AKAP6: variants seen among roughly 807,000 people sequenced by gnomAD.
AKAP6 encodes the protein A-kinase anchoring protein 6.
Under a neutral mutation model 188.5 loss-of-function variants are expected in AKAP6, and 58 were observed. The ratio of observed to expected loss-of-function variants is 0.31; its 90% CI spans 0.25 to 0.38. The LOEUF is 0.38. Among genes scored for constraint, AKAP6 ranks in the 10% least tolerant of loss-of-function variants. The pLI is 1.00. For synonymous variants in AKAP6, 989 were observed against 998.6 expected (o/e 0.99, Z 0.18); for missense variants, 2,710 against 2,740.0 (o/e 0.99, Z 0.24).
chr14:32,673,760 T>G (rs777506197), intron 7 of AKAP6, among the ~76,000 whole-genome samples: 1 of 152,004 alleles, frequency 6.6e-6, no homozygotes, highest in Non-Finnish European at 1.5e-5. Flanking sequence ...AATGGATGAA[T>G]GCAAGAATGT....
At chr14:32,410,388 C>T (rs150299748) in intron 1 of AKAP6, among the ~76,000 whole-genome samples, 1 of 152,174 alleles carries the variant, frequency 6.6e-6, no homozygotes, top group East Asian at 1.9e-4. Context: ...TTAAATTTAC[C>T]TATATCCTGG....
chr14:32,493,630 C>A (rs1278005406), intron 2 of AKAP6, among the ~76,000 whole-genome samples: 1 of 152,106 alleles, frequency 6.6e-6, no homozygotes, highest in Non-Finnish European at 1.5e-5. Flanking sequence ...ATTATGTCAC[C>A]TCAGGGCTGC....
At chr14:32,371,513 T>C (rs1888006504) in intron 1 of AKAP6, among the ~76,000 whole-genome samples, 1 of 152,154 alleles carries the variant, frequency 6.6e-6, no homozygotes, top group Non-Finnish European at 1.5e-5. Context: ...AGGCTGAAGC[T>C]GGGGGATTGC....
chr14:32,572,572 A>C (rs1288230092), intron 4 of AKAP6, among the ~76,000 whole-genome samples: 2 of 152,228 alleles, frequency 1.3e-5, no homozygotes, highest in African/African-American at 4.8e-5. Context: ...CTTGTTGTAG[A>C]GGAGAAAGAG....
At chr14:32,336,938 A>C (rs1189790091) in intron 1 of AKAP6, among the ~76,000 whole-genome samples, 1 of 152,224 alleles carries the variant, frequency 6.6e-6, no homozygotes, top group Non-Finnish European at 1.5e-5. Context: ...AGCCCATGGA[A>C]AACCAAATGA....
At chr14:32,418,407 T>C (rs1258750464) in intron 1 of AKAP6, among the ~76,000 whole-genome samples, 1 of 152,188 alleles carries the variant, frequency 6.6e-6, no homozygotes, top group Admixed American at 6.5e-5. Flanking sequence ...TGCTGCTTCC[T>C]TCCTAACACA....
chr14:32,786,460 A>T (rs1397183268), intron 12 of AKAP6, among the ~76,000 whole-genome samples: 1 of 149,122 alleles, frequency 6.7e-6, no homozygotes. Flanking sequence ...GGCGCCCACC[A>T]CCACGCCCGG....
At chr14:32,797,155 A>G (rs928347087) in intron 12 of AKAP6, among the ~76,000 whole-genome samples, 4 of 152,212 alleles carry the variant, frequency 2.6e-5, no homozygotes, top group African/African-American at 4.8e-5. Context: ...GCAGAGAAAA[A>G]GGAACACTTT....
At chr14:32,563,632 C>T (rs1209074838) in intron 4 of AKAP6, among the ~76,000 whole-genome samples, 1 of 152,130 alleles carries the variant, frequency 6.6e-6, no homozygotes, top group Admixed American at 6.5e-5. Context: ...ACAACTCTCA[C>T]CCACAGTGGT....
At chr14:32,745,517 C>T (rs1417932856) in intron 11 of AKAP6, among the ~76,000 whole-genome samples, 1 of 150,758 alleles carries the variant, frequency 6.6e-6, no homozygotes. Context: ...CTCTCTCTCT[C>T]TGTCTGTCTC....
chr14:32,465,677 G>T (rs1878372677), intron 2 of AKAP6, among the ~76,000 whole-genome samples: 1 of 152,152 alleles, frequency 6.6e-6, no homozygotes, highest in South Asian at 2.1e-4. Flanking sequence ...CTTGGGCAAA[G>T]ACTTCATGAC....
chr14:32,528,972 C>T (rs147967753), intron 2 of AKAP6, among the ~76,000 whole-genome samples: 5 of 152,236 alleles, frequency 3.3e-5, no homozygotes, highest in African/African-American at 7.2e-5. Flanking sequence ...GCCACCGTGC[C>T]GAGCCTCTTC....
chr14:32,649,723 A>C (rs1388697982), intron 7 of AKAP6, among the ~76,000 whole-genome samples: 1 of 152,212 alleles, frequency 6.6e-6, no homozygotes, highest in East Asian at 1.9e-4. Context: ...ATCACTTTAC[A>C]TAATTTATGG....
chr14:32,677,560 T>C (rs138375147), intron 7 of AKAP6, among the ~76,000 whole-genome samples: 66 of 152,322 alleles, frequency 4.3e-4, no homozygotes, highest in African/African-American at 1.5e-3. Flanking sequence ...CTCGGTCTCA[T>C]CTGATGTTCT....
At chr14:32,492,355 T>TATATAGAGAGAGAGAGAGAGAGAGAG in intron 2 of AKAP6, among the ~76,000 whole-genome samples, 22 of 82,606 alleles carry the variant, frequency 2.7e-4, no homozygotes, top group African/African-American at 2.0e-4. Flanking sequence ...TATATATATA[T>TATATAGAGAGAGAGAGAGAGAGAGAG]AGAGAGAGAG....
chr14:32,636,758 G>A lies in AKAP6; in HGVS notation c.2730+35966G>A, dbSNP rs1887510608. On this transcript the variant is annotated intron_variant, in intron 7 of 13. Coordinates refer to ENST00000280979, the MANE Select transcript of AKAP6 (RefSeq NM_004274.5). ...CAATAAGTAATTCCACTGGGCTGTA[G>A]GAGTAGGAGTAAGTGGCATAAGATG... 2.6e-5 allele frequency among the ~76,000 whole-genome samples: 4 copies of A among 152,122 alleles called. No individual in the cohort carries two copies. The South Asian group carries it at 8.3e-4, about 32-fold the overall frequency.
chr14:32,558,116 A>G (rs1174170013), intron 4 of AKAP6, among the ~76,000 whole-genome samples: 1 of 152,204 alleles, frequency 6.6e-6, no homozygotes, highest in African/African-American at 2.4e-5. Flanking sequence ...CCAGATTCTT[A>G]AAGAATTGGG....
chr14:32,770,562 T>G (rs2032866321), intron 11 of AKAP6, among the ~76,000 whole-genome samples: 1 of 152,208 alleles, frequency 6.6e-6, no homozygotes. Flanking sequence ...GCTGCTTCAC[T>G]GTCTCTCCCC....
chr14:32,488,057 T>C (rs1469947895), intron 2 of AKAP6, among the ~76,000 whole-genome samples: 1 of 152,158 alleles, frequency 6.6e-6, no homozygotes, highest in Non-Finnish European at 1.5e-5. Context: ...TTGAGTGCTG[T>C]GTTGGGAGAT....
Sources: allele counts gnomAD v4.1 joint callset (sites outside exome capture counted in the v4.1 genomes callset), GRCh38; gene constraint gnomAD v4.1.1; transcripts MANE v1.5; gene names NCBI Gene and HGNC (gene_info 2026-07-23, HGNC 2026-07-21).